Variants in BTBD9 observed in about 807,000 individuals in gnomAD.
The protein encoded by BTBD9 is BTB domain containing 9, also known as BTB/POZ domain-containing protein 9.
Under a neutral mutation model 64.3 loss-of-function variants are expected in BTBD9, and 49 were observed. The ratio of observed to expected loss-of-function variants is 0.76; its 90% CI spans 0.61 to 0.97. The LOEUF is 0.97. Among genes scored for constraint, BTBD9 ranks in the 50% least tolerant of loss-of-function variants. The pLI is 0.00. For synonymous variants in BTBD9, 260 were observed against 274.7 expected (o/e 0.95, Z 0.53); for missense variants, 598 against 762.1 (o/e 0.78, Z 2.53).
At chr6:38,241,937 A>C (rs1764005849) in intron 9 of BTBD9, among the ~76,000 whole-genome samples, 1 of 152,236 alleles carries the variant, frequency 6.6e-6, no homozygotes, top group Admixed American at 6.5e-5. Flanking sequence ...AACCTGAATA[A>C]TGAACCCCTA....
chr6:38,323,080 A>G (rs2127577067), intron 7 of BTBD9, among the ~76,000 whole-genome samples: 1 of 152,370 alleles, frequency 6.6e-6, no homozygotes, highest in Admixed American at 6.5e-5. Context: ...GAATCATGAC[A>G]CAAAGCTTAT....
intron 8 of BTBD9, among the ~76,000 whole-genome samples, chr6:38,280,472 A>G (rs892661351): frequency 2.0e-5 from 3 of 152,200 alleles, no homozygotes; most frequent in Admixed American, 6.5e-5. Flanking sequence ...ATTTTGTAAA[A>G]TATCTTTCCA....
intron 6 of BTBD9, among the ~76,000 whole-genome samples, chr6:38,513,261 C>T (rs1330611627): frequency 6.6e-6 from 1 of 152,062 alleles, no homozygotes; most frequent in East Asian, 1.9e-4. Context: ...GCCTGATCAA[C>T]GTGGTGAAAC....
chr6:38,526,057 A>G (rs1270106701), intron 6 of BTBD9, among the ~76,000 whole-genome samples: 4 of 152,262 alleles, frequency 2.6e-5, no homozygotes, highest in African/African-American at 4.8e-5. Flanking sequence ...AAATGCCTCC[A>G]AGGCATTTCA....
At chr6:38,483,188 T>C (rs998120990) in intron 6 of BTBD9, among the ~76,000 whole-genome samples, 3 of 152,034 alleles carry the variant, frequency 2.0e-5, no homozygotes, top group Non-Finnish European at 4.4e-5. Flanking sequence ...CTACATGTAT[T>C]GCTACCCCTA....
At chr6:38,273,577 G>T (rs1216614612) in intron 8 of BTBD9, among the ~76,000 whole-genome samples, 1 of 152,124 alleles carries the variant, frequency 6.6e-6, no homozygotes, top group Non-Finnish European at 1.5e-5. Flanking sequence ...CACCACAGTT[G>T]ACTACAGGCA....
At chr6:38,559,102 T>C (rs1234504637) in intron 6 of BTBD9, among the ~76,000 whole-genome samples, 1 of 152,222 alleles carries the variant, frequency 6.6e-6, no homozygotes, top group Non-Finnish European at 1.5e-5. Context: ...AAACTTGATA[T>C]TGGTTTGTTC....
intron 8 of BTBD9, among the ~76,000 whole-genome samples, chr6:38,285,800 C>G (rs541955834): frequency 4.9e-4 from 75 of 152,252 alleles, no homozygotes; most frequent in Admixed American, 2.0e-3. Context: ...GATGTAATCT[C>G]AGAGACACGA....
At chr6:38,376,768 A>G (rs1252333459) in intron 6 of BTBD9, among the ~76,000 whole-genome samples, 1 of 152,164 alleles carries the variant, frequency 6.6e-6, no homozygotes, top group Non-Finnish European at 1.5e-5. Flanking sequence ...TACTCTGGGT[A>G]CTCAAGAACT....
chr6:38,537,607 C>T (rs553529256), intron 6 of BTBD9, among the ~76,000 whole-genome samples: 6 of 152,224 alleles, frequency 3.9e-5, no homozygotes, highest in Admixed American at 6.5e-5. Context: ...AGAGAAAGTG[C>T]TTCATTTTGG....
intron 1 of BTBD9, among the ~76,000 whole-genome samples, chr6:38,632,968 A>G (rs1778412117): frequency 6.6e-6 from 1 of 152,160 alleles, no homozygotes; most frequent in South Asian, 2.1e-4. Flanking sequence ...AAAGTGGGAA[A>G]TCTGAATATT....
At chr6:38,352,077 T>G (rs1370940233) in intron 6 of BTBD9, among the ~76,000 whole-genome samples, 2 of 152,120 alleles carry the variant, frequency 1.3e-5, no homozygotes, top group African/African-American at 4.8e-5. Context: ...TATCAAGATT[T>G]AATAAAAATC....
intron 6 of BTBD9, among the ~76,000 whole-genome samples, chr6:38,384,986 A>C (rs1766091240): frequency 6.6e-6 from 1 of 151,778 alleles, no homozygotes; most frequent in Admixed American, 6.6e-5. Flanking sequence ...TGAGAGCCTA[A>C]GGTCTGCTTC....
At chr6:38,548,515 T>C (rs1415836046) in intron 6 of BTBD9, among the ~76,000 whole-genome samples, 1 of 152,188 alleles carries the variant, frequency 6.6e-6, no homozygotes, top group Non-Finnish European at 1.5e-5. Context: ...AAAATGAAAA[T>C]GTGCCTACAA....
rs1345130415 is a variant in BTBD9 at position 38,169,575 on chromosome 6, C to G, written c.*5410G>C. 2 of 152,466 alleles carry G rather than the reference C, an allele frequency of 1.3e-5. No individual in the cohort carries two copies. The highest frequency in any genetic ancestry group is 4.8e-5 in the African/African-American group (2 of 41,444). 9.4% of individuals were successfully genotyped at this position (152,466 alleles called of 1,614,324 possible). A position where few individuals can be genotyped will look rare whatever the true frequency, so the allele number is the denominator to read the frequency against. The stretch of plus-strand genomic sequence containing the variant: ...CAGCCCCCGTCCCGCCTCGCAACGC[C>G]TCCTCTGCGCCAGGGCCAGGGCCTC... On this transcript the variant is annotated 3_prime_UTR_variant, in exon 11 of 11. Coordinates refer to ENST00000481247, the MANE Select transcript of BTBD9 (RefSeq NM_001099272.2).
chr6:38,346,501 G>A (rs973060246), intron 6 of BTBD9, among the ~76,000 whole-genome samples: 1 of 151,860 alleles, frequency 6.6e-6, no homozygotes, highest in Non-Finnish European at 1.5e-5. Context: ...CACTCTTCCC[G>A]TGTTGAGAAT....
At chr6:38,231,263 G>A (rs1158265616) in intron 9 of BTBD9, among the ~76,000 whole-genome samples, 3 of 152,136 alleles carry the variant, frequency 2.0e-5, no homozygotes, top group Non-Finnish European at 4.4e-5. Context: ...CATTGAGTTA[G>A]GTCAGACAAT....
At chr6:38,559,708 C>T (rs532090393) in intron 6 of BTBD9, among the ~76,000 whole-genome samples, 19 of 152,108 alleles carry the variant, frequency 1.2e-4, no homozygotes, top group Admixed American at 4.6e-4. Context: ...GAAAACAGCA[C>T]GGTACTAGTA....
At chr6:38,332,821 G>A (rs193183728) in intron 7 of BTBD9, among the ~76,000 whole-genome samples, 8 of 152,032 alleles carry the variant, frequency 5.3e-5, no homozygotes, top group Non-Finnish European at 1.0e-4. Context: ...TCTTTCCATT[G>A]TTCAGTGCTC....
Sources: gnomAD v4.1 joint callset for allele counts (sites outside exome capture counted in the v4.1 genomes callset) on GRCh38, gnomAD v4.1.1 for gene constraint, MANE v1.5 for transcripts, NCBI Gene and HGNC (gene_info 2026-07-23, HGNC 2026-07-21) for gene names.